The following ITPR2 variants were observed in gnomAD, a reference collection of about 807,000 sequenced individuals.
The protein encoded by ITPR2 is inositol 1,4,5-trisphosphate receptor type 2.
A neutral mutation model predicts 317.1 loss-of-function variants in ITPR2; 207 were observed. That is an observed-to-expected ratio of 0.65 (90% CI 0.58 to 0.73). The LOEUF is 0.73. Ranked by LOEUF, ITPR2 falls within the 30% of genes least tolerant of loss-of-function variation. The pLI, the probability that ITPR2 is intolerant of heterozygous loss-of-function variation, is 0.00. For synonymous variants in ITPR2, 1,156 were observed against 1,149.1 expected (o/e 1.01, Z -0.12); for missense variants, 2,613 against 3,284.0 (o/e 0.80, Z 4.99).
At chr12:26,718,154 C>T (rs896779296) in intron 5 of ITPR2, among the ~76,000 whole-genome samples, 1 of 152,108 alleles carries the variant, frequency 6.6e-6, no homozygotes, top group African/African-American at 2.4e-5. Context: ...TACATGTGCC[C>T]TGATGGCTTA....
chr12:26,531,350 C>A (rs918496438), intron 37 of ITPR2, among the ~76,000 whole-genome samples: 9 of 152,204 alleles, frequency 5.9e-5, no homozygotes, highest in Non-Finnish European at 2.9e-5. Flanking sequence ...GTCTATAACT[C>A]ATTTTTAACC....
chr12:26,565,464 T>G (rs1591906090), intron 34 of ITPR2, among the ~76,000 whole-genome samples: 1 of 150,846 alleles, frequency 6.6e-6, no homozygotes, highest in Non-Finnish European at 1.5e-5. Context: ...AAAAAAAAAT[T>G]GGATGAATAG....
At chr12:26,774,614 C>T (rs992479977) in intron 2 of ITPR2, among the ~76,000 whole-genome samples, 1 of 152,208 alleles carries the variant, frequency 6.6e-6, no homozygotes, top group African/African-American at 2.4e-5. Context: ...AGTCCTGACC[C>T]TCATACAGTT....
chr12:26,675,378 T>A (rs1947884433), intron 13 of ITPR2, among the ~76,000 whole-genome samples: 1 of 152,164 alleles, frequency 6.6e-6, no homozygotes, highest in African/African-American at 2.4e-5. Flanking sequence ...TAAAAAATGA[T>A]GAGTTCATGT....
chr12:26,712,634 TACACACACACACACACACACACACACAC>T (rs67872654), intron 8 of ITPR2, among the ~76,000 whole-genome samples: 6 of 148,928 alleles, frequency 4.0e-5, no homozygotes, highest in Non-Finnish European at 8.9e-5. Flanking sequence ...TTGTCTCAAA[TACACACACACACACACACACACACACAC>T]ACACACACAC....
At chr12:26,424,094 T>C (rs933437647) in intron 49 of ITPR2, among the ~76,000 whole-genome samples, 8 of 152,214 alleles carry the variant, frequency 5.3e-5, no homozygotes, top group Non-Finnish European at 1.0e-4. Context: ...CAAATATTTT[T>C]ACAACCATAA....
At chr12:26,464,497 G>C (rs965440287) in intron 45 of ITPR2, among the ~76,000 whole-genome samples, 1 of 152,218 alleles carries the variant, frequency 6.6e-6, no homozygotes, top group African/African-American at 2.4e-5. Flanking sequence ...CTCACCTCCT[G>C]CTGTGTGGCC....
At chr12:26,640,859 T>C (rs900601017) in intron 21 of ITPR2, among the ~76,000 whole-genome samples, 2 of 152,218 alleles carry the variant, frequency 1.3e-5, no homozygotes, top group South Asian at 2.1e-4. Context: ...GATACTCATA[T>C]GAGTAGCTCA....
At chr12:26,505,758 C>T (rs1943169487) in intron 37 of ITPR2, among the ~76,000 whole-genome samples, 1 of 152,070 alleles carries the variant, frequency 6.6e-6, no homozygotes, top group Non-Finnish European at 1.5e-5. Flanking sequence ...AAACTAAGTA[C>T]TCAATAAATA....
At chr12:26,519,598 C>T (rs774905698) in intron 37 of ITPR2, among the ~76,000 whole-genome samples, 1 of 152,000 alleles carries the variant, frequency 6.6e-6, no homozygotes, top group Non-Finnish European at 1.5e-5. Context: ...TCAATAAGGC[C>T]GGATAGAGAC....
At chr12:26,779,278 CTCTTGG>C (rs1359161010) in intron 2 of ITPR2, among the ~76,000 whole-genome samples, 2 of 152,220 alleles carry the variant, frequency 1.3e-5, no homozygotes, top group Non-Finnish European at 2.9e-5. Flanking sequence ...GGAGAGACAG[CTCTTGG>C]TCTGGTACTG....
chr12:26,485,901 AT>A lies in ITPR2; in HGVS notation c.5811+202del, dbSNP rs561389302. ...AGGAGGATGACACTGTATGAGCCTGATTTTTTTTTCTTGCATAAAAGGATTT... is the reference window on the plus strand; with the variant it reads ...AGGAGGATGACACTGTATGAGCCTGATTTTTTTTCTTGCATAAAAGGATTT... On this transcript the variant is annotated intron_variant, in intron 41 of 56. Coordinates refer to ENST00000381340, the MANE Select transcript of ITPR2 (RefSeq NM_002223.4). Among the ~76,000 whole-genome samples, 205 of 151,868 alleles carry A rather than the reference AT, an allele frequency of 1.3e-3. 1 individual carries two copies. Among genetic ancestry groups the A allele is most frequent in the African/African-American group, 4.6e-3 (190 of 41,440 alleles).
chr12:26,516,255 A>AGGAAG (rs1565574424), intron 37 of ITPR2, among the ~76,000 whole-genome samples: 62 of 36,910 alleles, frequency 1.7e-3, no homozygotes, highest in South Asian at 9.2e-3. Flanking sequence ...AGGAAAGGAA[A>AGGAAG]GGAAAGGAAA....
intron 32 of ITPR2, among the ~76,000 whole-genome samples, chr12:26,587,041 T>A (rs1945546827): frequency 6.6e-6 from 1 of 151,540 alleles, no homozygotes; most frequent in African/African-American, 2.4e-5. Context: ...TATGCAAAAG[T>A]CTATTTCTGG....
At chr12:26,667,943 C>G (rs1171271759) in intron 13 of ITPR2, among the ~76,000 whole-genome samples, 1 of 152,082 alleles carries the variant, frequency 6.6e-6, no homozygotes, top group Non-Finnish European at 1.5e-5. Flanking sequence ...ACATGTAAAG[C>G]CCACCTCTTC....
At chr12:26,644,970 G>T (rs1947079553) in intron 21 of ITPR2, among the ~76,000 whole-genome samples, 1 of 152,106 alleles carries the variant, frequency 6.6e-6, no homozygotes, top group Non-Finnish European at 1.5e-5. Context: ...GCTGCCTACG[G>T]GGACATAAAG....
chr12:26,491,476 C>G (rs1474663818), intron 39 of ITPR2, among the ~76,000 whole-genome samples: 1 of 93,846 alleles, frequency 1.1e-5, no homozygotes, highest in Non-Finnish European at 1.9e-5. Context: ...GAGCAAGACT[C>G]CATCTCAAAA....
intron 10 of ITPR2, among the ~76,000 whole-genome samples, chr12:26,689,688 G>A (rs1948198338): frequency 1.3e-5 from 2 of 152,170 alleles, no homozygotes; most frequent in Admixed American, 1.3e-4. Flanking sequence ...GACGCAAGAA[G>A]GCCTGAACAA....
chr12:26,367,135 T>C (rs1939037713), intron 55 of ITPR2, among the ~76,000 whole-genome samples: 1 of 152,226 alleles, frequency 6.6e-6, no homozygotes, highest in Non-Finnish European at 1.5e-5. Context: ...TATATACTTT[T>C]ATCTCTGAAG....
Sources: allele counts gnomAD v4.1 joint callset (sites outside exome capture counted in the v4.1 genomes callset), GRCh38; gene constraint gnomAD v4.1.1; transcripts MANE v1.5; gene names NCBI Gene and HGNC (gene_info 2026-07-23, HGNC 2026-07-21).